Variants in PCGF3 observed in about 807,000 individuals in gnomAD.
PCGF3 encodes the protein polycomb group ring finger 3, also known as polycomb group RING finger protein 3.
A neutral mutation model predicts 33.1 loss-of-function variants in PCGF3; 7 were observed. The ratio of observed to expected loss-of-function variants is 0.21; its 90% CI spans 0.12 to 0.40. The LOEUF is 0.40. PCGF3 is among the 10% of genes least tolerant of loss of function. The pLI, the probability that PCGF3 is intolerant of heterozygous loss-of-function variation, is 1.00. For missense variants in PCGF3, 211 were observed against 313.3 expected, an observed-to-expected ratio of 0.67 and a Z score of 2.46; for synonymous variants, 153 against 121.3, an observed-to-expected ratio of 1.26 and a Z score of -1.72.
chr4:767,197 G>C (rs1241213046), exon 11 of PCGF3: 2 of 152,262 alleles, frequency 1.3e-5, no homozygotes, highest in Admixed American at 6.5e-5. Context: ...CCCCCGCTCT[G>C]CAGAAGCTGC....
chr4:720,608 C>A lies in PCGF3; in HGVS notation c.-189-10022C>A, dbSNP rs1036020234. ...GACGGGCAGTGACGTGCGTGTGGACCCGGGGTGGACGGGCGGTGACGTGCG... is the reference window on the plus strand; with the variant it reads ...GACGGGCAGTGACGTGCGTGTGGACACGGGGTGGACGGGCGGTGACGTGCG... On this transcript the variant is annotated intron_variant, in intron 1 of 10. Coordinates refer to ENST00000362003, the Ensembl canonical transcript of PCGF3. This position sits in a 1 kb window ranked among gnomAD's most constrained non-coding sequence, Gnocchi z 5.6. 6.7e-6 allele frequency among the ~76,000 whole-genome samples: 1 copy of A among 150,322 alleles called. No homozygotes were observed. Among genetic ancestry groups the A allele is most frequent in the East Asian group, 2.0e-4 (1 of 5,098 alleles).
rs1742667301 is a variant in PCGF3, at chr4:713,420, GTGGGGGCTGTGGCCTCA to G, written c.-190+7455_-190+7471del. ...GTGGCCTTGTGGGGGCTGTGGCCTC[GTGGGGGCTGTGGCCTCA>G]TGGGTCTTGTGTGCCTTGTGGGGGC... On this transcript the variant is annotated intron_variant, in intron 1 of 10. Coordinates refer to ENST00000362003, the Ensembl canonical transcript of PCGF3. 2.8e-5 allele frequency among the ~76,000 whole-genome samples: 4 copies of G among 142,166 alleles called. No individual in the cohort carries two copies. In the Admixed American group the frequency reaches 2.8e-4, roughly 10 times the overall value. 93.3% of individuals were successfully genotyped at this position (142,166 alleles called of 152,430 possible). A position where few individuals can be genotyped will look rare whatever the true frequency, so the allele number is the denominator to read the frequency against.
chr4:748,594 C>A (rs1466821131), intron 8 of PCGF3, among the ~76,000 whole-genome samples: 1 of 152,156 alleles, frequency 6.6e-6, no homozygotes, highest in Non-Finnish European at 1.5e-5. Flanking sequence ...GATGGCGTTG[C>A]CTTGTGGGTC....
intron 8 of PCGF3, among the ~76,000 whole-genome samples, chr4:760,647 C>A (rs545490546): frequency 6.6e-6 from 1 of 152,348 alleles, no homozygotes; most frequent in South Asian, 2.1e-4. Flanking sequence ...AAGCGTTTGC[C>A]GTGAGCGTCG....
intron 8 of PCGF3, among the ~76,000 whole-genome samples, chr4:753,520 C>T (rs185974694): frequency 4.5e-4 from 68 of 151,996 alleles, no homozygotes; most frequent in South Asian, 2.7e-3. Flanking sequence ...TGGGCGTGGT[C>T]GTGGGCACCT....
At chr4:753,504 A>G (rs974293907) in intron 8 of PCGF3, among the ~76,000 whole-genome samples, 7 of 152,134 alleles carry the variant, frequency 4.6e-5, no homozygotes, top group Non-Finnish European at 1.0e-4. Context: ...AATACAAAAA[A>G]TTAGCTGGGC....
At chr4:765,756 G>A (rs571674910) in intron 10 of PCGF3, among the ~76,000 whole-genome samples, 1 of 152,118 alleles carries the variant, frequency 6.6e-6, no homozygotes, top group South Asian at 2.1e-4. Context: ...GGGAGTGGCA[G>A]CCAGGGCCAC....
intron 4 of PCGF3, chr4:734,026 G>C (rs1271142219): frequency 2.2e-5 from 34 of 1,550,684 alleles, no homozygotes; most frequent in African/African-American, 4.1e-5. Flanking sequence ...ACACAGGAGA[G>C]ACCCCACATT....
chr4:737,727 T>C (rs1191688107), intron 6 of PCGF3, among the ~76,000 whole-genome samples: 7 of 152,200 alleles, frequency 4.6e-5, no homozygotes, highest in South Asian at 2.1e-4. Flanking sequence ...TTACCCCTTA[T>C]GTGTATTCAT....
chr4:729,859 C>A (rs1329073152), intron 1 of PCGF3, among the ~76,000 whole-genome samples: 6 of 152,176 alleles, frequency 3.9e-5, no homozygotes, highest in Non-Finnish European at 7.4e-5. Flanking sequence ...TCATCCCAGG[C>A]CCCCACTTTC....
chr4:729,111 A>C (rs1743446722), intron 1 of PCGF3, among the ~76,000 whole-genome samples: 1 of 147,168 alleles, frequency 6.8e-6, no homozygotes, highest in East Asian at 2.0e-4. Context: ...AAAAAAAAAA[A>C]AAAAAAAAAA....
intron 1 of PCGF3, among the ~76,000 whole-genome samples, chr4:712,448 G>C (rs1037983003): frequency 6.7e-6 from 1 of 148,832 alleles, no homozygotes; most frequent in East Asian, 1.9e-4. Flanking sequence ...TTTGTTTTTT[G>C]TTTGTTTGTT....
chr4:766,382 G>T (rs997272086), exon 11 of PCGF3: 1 of 288,454 alleles, frequency 3.5e-6, no homozygotes, highest in Non-Finnish European at 6.5e-6. Flanking sequence ...CTTCTGACAC[G>T]AGCTCCCTCT....
At chr4:708,498 A>G (rs1742430120) in intron 1 of PCGF3, among the ~76,000 whole-genome samples, 1 of 152,166 alleles carries the variant, frequency 6.6e-6, no homozygotes, top group Non-Finnish European at 1.5e-5. Flanking sequence ...ACCCTGGGCC[A>G]GCCCCACAGC....
exon 11 of PCGF3, chr4:769,709 CCT>C (rs747045188): frequency 8.5e-5 from 13 of 152,684 alleles, no homozygotes; most frequent in East Asian, 1.9e-4. Flanking sequence ...TGAGCGTTCC[CCT>C]GAGATGTGCG....
intron 8 of PCGF3, among the ~76,000 whole-genome samples, chr4:759,907 C>T (rs1433347346): frequency 6.9e-6 from 1 of 144,818 alleles, no homozygotes; most frequent in East Asian, 2.1e-4. Context: ...CCGCGCGGCC[C>T]CTCTCCCGAG....
At chr4:710,120 C>T (rs1323718547) in intron 1 of PCGF3, among the ~76,000 whole-genome samples, 2 of 152,166 alleles carry the variant, frequency 1.3e-5, no homozygotes, top group Non-Finnish European at 2.9e-5. Flanking sequence ...CCCCAGAACC[C>T]CTGCCTTAAA....
intron 1 of PCGF3, among the ~76,000 whole-genome samples, chr4:714,444 C>G (rs1446091322): frequency 6.6e-6 from 1 of 152,212 alleles, no homozygotes; most frequent in African/African-American, 2.4e-5. Flanking sequence ...CTAGGGGAGG[C>G]CCCCACACCG....
Position 762,123 on chromosome 4 carries a change from G to A in PCGF3, c.600+707G>A, listed in dbSNP as rs1745094684. On this transcript the variant is annotated intron_variant, in intron 9 of 10. Coordinates refer to ENST00000362003, the Ensembl canonical transcript of PCGF3. The stretch of plus-strand genomic sequence containing the variant: ...AGCAGTGGACTCAGTGGTGGCCCCA[G>A]AAGATAAGCCACATCCTAACCCCCA... 6.1e-6 allele frequency: 6 copies of A among 981,690 alleles called. No homozygotes were observed. The South Asian group carries it at 2.8e-4, about 46-fold the overall frequency. The allele number at this position is 981,690 out of a possible 1,614,324, so 60.8% of individuals were successfully genotyped here. A position where few individuals can be genotyped will look rare whatever the true frequency, so the allele number is the denominator to read the frequency against.
Sources: gnomAD v4.1 joint callset for allele counts (sites outside exome capture counted in the v4.1 genomes callset) on GRCh38, gnomAD v4.1.1 for gene constraint, Gnocchi (gnomAD v3.1) non-coding constraint, MANE v1.5 for transcripts, NCBI Gene and HGNC (gene_info 2026-07-23, HGNC 2026-07-21) for gene names.